Variants in SLC10A6 observed in about 807,000 individuals in gnomAD.
SLC10A6 encodes the protein solute carrier family 10 member 6, also known as sodium-dependent organic anion transporter.
A neutral mutation model predicts 30.0 loss-of-function variants in SLC10A6; 27 were observed. That is an observed-to-expected ratio of 0.90 (90% CI 0.66 to 1.24). The LOEUF is 1.24. SLC10A6 is among the 50% of genes most tolerant of loss of function. The pLI, the probability that SLC10A6 is intolerant of heterozygous loss-of-function variation, is 0.00. For missense variants in SLC10A6, 439 were observed against 457.0 expected (o/e 0.96, Z 0.36); for synonymous variants, 166 against 173.8 (o/e 0.95, Z 0.36).
chr4:86,837,131 T>C (rs1746198646), intron 1 of SLC10A6, among the ~76,000 whole-genome samples: 1 of 151,084 alleles, frequency 6.6e-6, no homozygotes, highest in Non-Finnish European at 1.5e-5. Context: ...AACTGATAGT[T>C]AATATTTTAT....
intron 5 of SLC10A6, 138 bp from the exon 6 acceptor site, chr4:86,824,040 G>A (rs1325497645): frequency 8.5e-6 from 6 of 709,746 alleles, no homozygotes; most frequent in Non-Finnish European, 1.1e-5. Context: ...AAAGAAGGGG[G>A]AAAGAGAGAA....
rs761174849 is a variant in SLC10A6 at position 86,828,119 on chromosome 4, C to A, written c.635G>T (p.Gly212Val). 33 of 1,613,618 alleles carry A rather than the reference C, an allele frequency of 2.0e-5. No individual in the cohort carries two copies. In the Admixed American group the frequency reaches 5.5e-4, roughly 27 times the overall value. The change falls in exon 4 of 6, where the codon GGT (glycine) becomes GTT (valine). Residue 212 changes from glycine (G) to valine (V), a missense_variant. Physicochemically the swap from Gly to Val is moderately radical, Grantham distance 109. Coordinates refer to ENST00000273905, the MANE Select transcript of SLC10A6 (RefSeq NM_197965.3). ...CCAAGATCCTTTCGCCAGGACCACA[C>A]CAGCAACTGCGACCACCAGAAGGAG... ...GVLLLVVAVA[G>V]VVLAKGSWNS... is the part of the protein sequence containing the mutation.
chr4:86,847,881 CAA>C (rs989149919), intron 1 of SLC10A6, among the ~76,000 whole-genome samples: 2 of 152,174 alleles, frequency 1.3e-5, no homozygotes, highest in African/African-American at 4.8e-5. Context: ...CACAAGTAAG[CAA>C]AGAGTCTCGA....
rs1473327462 is a variant in SLC10A6 at position 86,828,281 on chromosome 4, G to A, written c.586-113C>T. ...ATCTAGAAATTTTAGAACAAAGAAG[G>A]GACTTAGAGATGACTAAATACAATT... On this transcript the variant is annotated intron_variant, in intron 3 of 5. Coordinates refer to ENST00000273905, the MANE Select transcript of SLC10A6 (RefSeq NM_197965.3). 7.7e-6 allele frequency: 9 copies of A among 1,167,670 alleles called. No individual in the cohort carries two copies. In the Admixed American group the frequency reaches 1.2e-4, roughly 15 times the overall value. 72.3% of individuals were successfully genotyped at this position (1,167,670 alleles called of 1,614,324 possible).
rs1283736605 is a variant in SLC10A6 at position 86,847,305 on chromosome 4, G to T, written c.377+1434C>A. 2.0e-5 allele frequency among the ~76,000 whole-genome samples: 3 copies of T among 152,310 alleles called. No individual in the cohort carries two copies. In the East Asian group the frequency reaches 5.8e-4, roughly 29 times the overall value. On this transcript the variant is annotated intron_variant, in intron 1 of 5. Transcript: ENST00000273905. ...AAAGCATCTATCCCATGCCTATGGG[G>T]CACTTAATAAATATTAGTTTCCTTT... is the stretch of plus-strand genomic sequence containing the variant.
chr4:86,823,858 T>C lies in SLC10A6; in HGVS notation c.964A>G (p.Lys322Glu). 1 of 1,613,760 alleles carries C rather than the reference T, an allele frequency of 6.2e-7. No homozygotes were observed. The highest frequency in any genetic ancestry group is 8.5e-7 in the Non-Finnish European group (1 of 1,179,786). Reference sequence around the variant, plus strand: ...CAGACTTCTGTGCAACCTGAGTTCTTTTTTCCATGTTTGTTCTTCAATCTC... The same window carrying C: ...CAGACTTCTGTGCAACCTGAGTTCTCTTTTCCATGTTTGTTCTTCAATCTC... The part of the protein sequence containing the change: ...KRRLKNKHGK[K>E]NSGCTEVCHT... The change falls in exon 6 of 6, where the codon AAG becomes GAG. Residue 322 changes from lysine (K) to glutamate (E), a missense_variant. Transcript: ENST00000273905.
intron 1 of SLC10A6, among the ~76,000 whole-genome samples, chr4:86,835,103 C>T (rs1439615418): frequency 6.6e-6 from 1 of 152,112 alleles, no homozygotes; most frequent in Admixed American, 6.5e-5. Context: ...CAAACCACAT[C>T]AGCAAGTTAG....
chr4:86,842,215 A>G (rs1335055561), intron 1 of SLC10A6, among the ~76,000 whole-genome samples: 1 of 152,162 alleles, frequency 6.6e-6, no homozygotes, highest in Non-Finnish European at 1.5e-5. Context: ...TTGAAGTTCT[A>G]TTTCCAGGTT....
At chr4:86,848,210 C>T (rs1746424890) in intron 1 of SLC10A6, among the ~76,000 whole-genome samples, 1 of 152,160 alleles carries the variant, frequency 6.6e-6, no homozygotes, top group Non-Finnish European at 1.5e-5. Flanking sequence ...CAAGCCATCT[C>T]AGCACTTAAA....
intron 5 of SLC10A6, among the ~76,000 whole-genome samples, chr4:86,824,719 GC>G (rs1745949503): frequency 6.6e-6 from 1 of 151,810 alleles, no homozygotes; most frequent in Non-Finnish European, 1.5e-5. Context: ...TTCAACCTTC[GC>G]CCCCTCCCTC....
intron 1 of SLC10A6, among the ~76,000 whole-genome samples, chr4:86,834,636 TA>T (rs1190364823): frequency 2.6e-5 from 4 of 152,238 alleles, no homozygotes; most frequent in African/African-American, 9.6e-5. Flanking sequence ...TCATAAGAAC[TA>T]TTGATCTGCA....
At chr4:86,832,267 A>C (rs934374365) in intron 2 of SLC10A6, among the ~76,000 whole-genome samples, 3 of 152,182 alleles carry the variant, frequency 2.0e-5, no homozygotes, top group African/African-American at 7.2e-5. Flanking sequence ...GTAAGCCTTC[A>C]AGGTGTTTAC....
intron 1 of SLC10A6, 111 bp downstream of exon 1, chr4:86,848,628 C>T: frequency 7.4e-7 from 1 of 1,343,460 alleles, no homozygotes; most frequent in Non-Finnish European, 1.0e-6. Flanking sequence ...TGTAACATTT[C>T]CCACTAGAAT....
intron 2 of SLC10A6, 45 bp from the exon 3 acceptor site, chr4:86,831,925 G>C: frequency 6.8e-7 from 1 of 1,465,922 alleles, no homozygotes; most frequent in Non-Finnish European, 9.5e-7. Flanking sequence ...CTCTCACCCT[G>C]ACTGCACAGT....
chr4:86,823,723 G>A lies in SLC10A6; in HGVS notation c.1099C>T (p.Leu367Phe), dbSNP rs146262257. 2.1e-5 allele frequency: 34 copies of A among 1,613,060 alleles called. No homozygotes were observed. In the African/African-American group the frequency reaches 4.1e-4, roughly 20 times the overall value. ...GAAGTGATGTGGCCAACTGGCTCGA[G>A]AGCCCTGTGGCAATCCATTGGCCCT... ...PPGPMDCHRA[L>F]EPVGHITSCE Residue 367 changes from leucine to phenylalanine, a missense_variant, in exon 6 of 6, where the codon CTC (leucine) becomes TTC (phenylalanine). By Grantham distance (22) the Leu-to-Phe change is conservative (BLOSUM62 0). Transcript: ENST00000273905.
At chr4:86,847,974 A>C (rs1192200157) in intron 1 of SLC10A6, among the ~76,000 whole-genome samples, 1 of 152,086 alleles carries the variant, frequency 6.6e-6, no homozygotes, top group African/African-American at 2.4e-5. Flanking sequence ...CCATCAAAAC[A>C]TGTAATCCAG....
intron 3 of SLC10A6, among the ~76,000 whole-genome samples, chr4:86,828,987 G>A (rs1028941263): frequency 6.6e-6 from 1 of 152,250 alleles, no homozygotes; most frequent in South Asian, 2.1e-4. Flanking sequence ...GAGGATGGTC[G>A]TAGGAAACTA....
chr4:86,839,791 A>G (rs1476779964), intron 1 of SLC10A6, among the ~76,000 whole-genome samples: 1 of 152,148 alleles, frequency 6.6e-6, no homozygotes, highest in Non-Finnish European at 1.5e-5. Flanking sequence ...CTTTCAGACT[A>G]CTTTCCAAAA....
chr4:86,825,373 G>A (rs771662429), intron 5 of SLC10A6, 47 bp downstream of exon 5: 2 of 1,538,420 alleles, frequency 1.3e-6, no homozygotes, highest in East Asian at 2.3e-5. Context: ...AAGTTGGGGT[G>A]AACAATTTCC....
Sources: gnomAD v4.1 joint callset for allele counts (sites outside exome capture counted in the v4.1 genomes callset) on GRCh38, gnomAD v4.1.1 for gene constraint, MANE v1.5 for transcripts, NCBI Gene and HGNC (gene_info 2026-07-23, HGNC 2026-07-21) for gene names.